ADAM2: variants seen among roughly 807,000 people sequenced by gnomAD.
ADAM2 encodes disintegrin and metalloproteinase domain-containing protein 2.
A neutral mutation model predicts 99.3 loss-of-function variants in ADAM2; 101 were observed. The ratio of observed to expected loss-of-function variants is 1.02; its 90% CI spans 0.87 to 1.20. The LOEUF is 1.20. Ranked by LOEUF, ADAM2 falls within the 50% of genes most tolerant of loss-of-function variation. ADAM2 has a pLI of 0.00. For missense variants in ADAM2, 948 were observed against 878.7 expected (o/e 1.08, Z -1.00); for synonymous variants, 323 against 287.6 (o/e 1.12, Z -1.25).
intron 10 of ADAM2, among the ~76,000 whole-genome samples, chr8:39,778,196 T>C (rs1052244972): frequency 4.6e-5 from 7 of 152,000 alleles, no homozygotes; most frequent in Middle Eastern, 3.4e-3. Context: ...ATATATCTAC[T>C]AACATTTTGA....
intron 14 of ADAM2, among the ~76,000 whole-genome samples, chr8:39,763,996 A>G (rs1383839556): frequency 1.3e-5 from 2 of 152,240 alleles, no homozygotes; most frequent in East Asian, 3.8e-4. Flanking sequence ...CAAAATGATT[A>G]GCTGTTTTTC....
intron 6 of ADAM2, among the ~76,000 whole-genome samples, chr8:39,815,603 GC>G (rs1341492528): frequency 6.6e-5 from 10 of 152,142 alleles, no homozygotes; most frequent in Non-Finnish European, 1.5e-4. Flanking sequence ...AATCAACTTG[GC>G]AAGCACTTCC....
chr8:39,799,928 T>C (rs1008933049), intron 7 of ADAM2, among the ~76,000 whole-genome samples: 1 of 152,242 alleles, frequency 6.6e-6, no homozygotes, highest in African/African-American at 2.4e-5. Flanking sequence ...TCTTTGCACG[T>C]AAGATGGGTC....
intron 19 of ADAM2, 120 bp downstream of exon 19, chr8:39,746,352 A>C: frequency 1.4e-6 from 1 of 734,296 alleles, no homozygotes; most frequent in Non-Finnish European, 2.1e-6. Flanking sequence ...ATGAGTTATT[A>C]AATTCCCATA....
intron 16 of ADAM2, among the ~76,000 whole-genome samples, chr8:39,752,885 C>T (rs1255111698): frequency 2.6e-5 from 4 of 152,130 alleles, no homozygotes; most frequent in Non-Finnish European, 4.4e-5. Flanking sequence ...TGAGGCCTCC[C>T]CAGCCACGCG....
rs115381442 is a variant in ADAM2 at position 39,802,022 on chromosome 8, G to C, written c.570+7388C>G. ...CAGCAGGCAGCCTCAGCCAGTGCTG[G>C]CTGCCCCTCCCTGGGGAGTTAGGTA... On this transcript the variant is annotated intron_variant, in intron 7 of 20. Transcript: ENST00000265708. Among the ~76,000 whole-genome samples, 1,442 of 152,294 alleles carry C rather than the reference G, an allele frequency of 9.5e-3. 20 individuals are homozygous for C. Among genetic ancestry groups the C allele is most frequent in the African/African-American group, 0.033 (1,378 of 41,570 alleles).
intron 7 of ADAM2, among the ~76,000 whole-genome samples, chr8:39,800,933 TA>T (rs780642179): frequency 1.3e-5 from 2 of 152,170 alleles, no homozygotes; most frequent in Non-Finnish European, 2.9e-5. Context: ...TCTGACCTTT[TA>T]TCAAGGTTCT....
intron 7 of ADAM2, among the ~76,000 whole-genome samples, chr8:39,805,242 G>A (rs937641211): frequency 9.2e-5 from 14 of 152,216 alleles, no homozygotes; most frequent in Admixed American, 8.5e-4. Flanking sequence ...TGGGGATTAT[G>A]TTTTGATAGG....
At chr8:39,754,509 T>C (rs372063578) in intron 16 of ADAM2, among the ~76,000 whole-genome samples, 2 of 152,242 alleles carry the variant, frequency 1.3e-5, no homozygotes, top group South Asian at 2.1e-4. Flanking sequence ...AAATGTAAGA[T>C]AGTCTTGGGC....
At chr8:39,754,672 A>G (rs937424801) in intron 16 of ADAM2, among the ~76,000 whole-genome samples, 1 of 152,212 alleles carries the variant, frequency 6.6e-6, no homozygotes, top group Non-Finnish European at 1.5e-5. Flanking sequence ...GAATATTAGT[A>G]AAGTTAGCAT....
intron 7 of ADAM2, among the ~76,000 whole-genome samples, chr8:39,798,351 A>G (rs1804058082): frequency 6.6e-6 from 1 of 151,934 alleles, no homozygotes; most frequent in Admixed American, 6.6e-5. Flanking sequence ...TTATTGATTT[A>G]GGTATGTTGA....
In ADAM2 at chr8:39,761,336, A is replaced by G. The variant is rs940156736; in HGVS notation, c.1508-55T>C. 147 of 1,003,052 alleles carry G rather than the reference A, an allele frequency of 1.5e-4. 1 individual carries two copies. In the African/African-American group the frequency reaches 2.3e-3, roughly 16 times the overall value. 62.1% of individuals were successfully genotyped at this position (1,003,052 alleles called of 1,614,324 possible). A position where few individuals can be genotyped will look rare whatever the true frequency, so the allele number is the denominator to read the frequency against. ...TTAAACTTATATTAATTAAAAATAA[A>G]TAACAAATACACTTAAAATTCTGAA... is the stretch of plus-strand genomic sequence containing the variant. On this transcript the variant is annotated intron_variant, in intron 14 of 20. Transcript: ENST00000265708.
At chr8:39,765,248 A>T (rs562103919) in intron 14 of ADAM2, among the ~76,000 whole-genome samples, 1 of 152,248 alleles carries the variant, frequency 6.6e-6, no homozygotes, top group East Asian at 1.9e-4. Context: ...GAAAACATAT[A>T]GCCAAGGCAT....
chr8:39,749,235 C>A, intron 18 of ADAM2, 77 bp downstream of exon 18: 11 of 1,348,742 alleles, frequency 8.2e-6, no homozygotes, highest in Non-Finnish European at 1.1e-5. Flanking sequence ...AATTGGTAGA[C>A]AAAATATTAT....
intron 7 of ADAM2, among the ~76,000 whole-genome samples, chr8:39,807,577 G>T (rs1157053443): frequency 6.6e-6 from 1 of 152,122 alleles, no homozygotes; most frequent in African/African-American, 2.4e-5. Context: ...GGTCATAGGG[G>T]TGGGCCCCTC....
chr8:39,804,204 C>T (rs963713431), intron 7 of ADAM2, among the ~76,000 whole-genome samples: 2 of 152,108 alleles, frequency 1.3e-5, no homozygotes, highest in Non-Finnish European at 2.9e-5. Flanking sequence ...TGAGAATATG[C>T]CCTATCATTG....
At chr8:39,828,826 C>T (rs902784050) in intron 3 of ADAM2, among the ~76,000 whole-genome samples, 1 of 151,694 alleles carries the variant, frequency 6.6e-6, no homozygotes, top group African/African-American at 2.4e-5. Context: ...TGTGCTGGGT[C>T]CACTGGATGC....
At chr8:39,762,912 T>C (rs187798500) in intron 14 of ADAM2, among the ~76,000 whole-genome samples, 1 of 152,326 alleles carries the variant, frequency 6.6e-6, no homozygotes, top group Admixed American at 6.5e-5. Flanking sequence ...GAATTACATA[T>C]CCAATGGATT....
chr8:39,753,471 C>T (rs117082796), intron 16 of ADAM2, among the ~76,000 whole-genome samples: 90 of 151,814 alleles, frequency 5.9e-4, no homozygotes, highest in Admixed American at 1.4e-3. Flanking sequence ...AAGTCTGCTG[C>T]AGAAATTTGC....
Sources: gnomAD v4.1 joint callset for allele counts (sites outside exome capture counted in the v4.1 genomes callset) on GRCh38, gnomAD v4.1.1 for gene constraint, MANE v1.5 for transcripts, NCBI Gene and HGNC (gene_info 2026-07-23, HGNC 2026-07-21) for gene names.